NBPF11: variants seen among roughly 807,000 people sequenced by gnomAD.
NBPF11 encodes the protein NBPF family member NBPF11.
In NBPF11, 72 loss-of-function variants were observed where a neutral mutation model predicts 93.9. The observed-to-expected ratio is 0.77, with a 90% confidence interval of 0.63 to 0.93. The LOEUF is 0.93. NBPF11 is among the 40% of genes least tolerant of loss of function. The pLI is 0.00. For synonymous variants in NBPF11, 224 were observed against 304.9 expected, an observed-to-expected ratio of 0.73 and a Z score of 2.76; for missense variants, 705 against 802.2, an observed-to-expected ratio of 0.88 and a Z score of 1.46.
At chr1:148,129,455 G>A (rs1370159246) in intron 4 of NBPF11, 1 of 152,168 alleles carries the variant, frequency 6.6e-6, no homozygotes, top group African/African-American at 2.4e-5. Context: ...GCAGCGACCA[G>A]AGGAGCCCCT....
rs1193290486 is a variant in NBPF11 at position 148,148,765 on chromosome 1, T to G, written c.-549+2985A>C. Among the ~76,000 whole-genome samples the G allele has an allele frequency of 2.0e-5, 3 of 152,134 alleles. No individual in the cohort carries two copies. The East Asian group carries it at 5.8e-4, about 29-fold the overall frequency. On this transcript the variant is annotated intron_variant, in intron 1 of 23. Coordinates refer to ENST00000682118, the MANE Select transcript of NBPF11 (RefSeq NM_001385469.3). ...GGCCAGTGCACCAGGAACGGCTTTC[T>G]AACCCGGGCAGGAAGGTATGAAGCA...
chr1:148,115,674 T>C (rs1666351410), intron 14 of NBPF11, 119 bp downstream of exon 14: 11 of 1,216,162 alleles, frequency 9.0e-6, no homozygotes, highest in Non-Finnish European at 2.3e-6. Flanking sequence ...CCCTGATATC[T>C]GTTTAGAAAC....
Position 148,122,741 on chromosome 1 carries a change from G to T in NBPF11, c.554C>A (p.Ser185Ter). Residue 185 changes from serine to a stop codon, truncating the protein, a stop_gained, in exon 8 of 24, where the codon TCA becomes TAA. Transcript: ENST00000682118. LOFTEE classifies it high-confidence loss of function. Reference protein sequence around the residue: ...QVEEDEKVLESSAPREVQKAE... With the variant: ...QVEEDEKVLE ...TATTCAATGTTACCTGGGGGCAGATGATTCCAGTACTTTCTCATCCTCCTC... is the reference window on the plus strand; with the variant it reads ...TATTCAATGTTACCTGGGGGCAGATTATTCCAGTACTTTCTCATCCTCCTC... 1 of 1,609,664 alleles carries T rather than the reference G, an allele frequency of 6.2e-7. No individual in the cohort carries two copies. The highest frequency in any genetic ancestry group is 2.2e-5 in the East Asian group (1 of 44,874).
intron 1 of NBPF11, among the ~76,000 whole-genome samples, chr1:148,144,715 G>T (rs2149301143): frequency 6.6e-6 from 1 of 152,066 alleles, no homozygotes; most frequent in South Asian, 2.1e-4. Flanking sequence ...GCTCACACCT[G>T]TAATCCCAAC....
rs1673183808 is a variant in NBPF11 at position 148,146,773 on chromosome 1, A to G, written c.-548-3087T>C. 8 of 1,613,240 alleles carry G rather than the reference A, an allele frequency of 5.0e-6. No individual in the cohort carries two copies. In the Admixed American group the frequency reaches 1.3e-4, roughly 27 times the overall value. ...CGGCAATGCCGTGGACCTGGGCCAG[A>G]TGAGCAGCTTCTACATTGGCCTGGG... On this transcript the variant is annotated intron_variant, in intron 1 of 23. Transcript: ENST00000682118.
chr1:148,109,411 C>T (rs1271544806), intron 16 of NBPF11, 76 bp from the exon 17 acceptor site: 16 of 914,926 alleles, frequency 1.7e-5, no homozygotes, highest in South Asian at 1.7e-4. Flanking sequence ...TCTGTCCAAT[C>T]CTAACACAGG....
intron 16 of NBPF11, 81 bp downstream of exon 16, chr1:148,110,297 C>G (rs79669713): frequency 1.4e-6 from 2 of 1,447,516 alleles, no homozygotes; most frequent in African/African-American, 1.6e-5. Flanking sequence ...TCAGCCCAAC[C>G]AGGGGCACAA....
chr1:148,109,198 T>C, intron 17 of NBPF11, 86 bp downstream of exon 17: 1 of 1,018,848 alleles, frequency 9.8e-7, no homozygotes, highest in Admixed American at 1.7e-5. Flanking sequence ...GACAAAATCA[T>C]GATTTTCAGC....
chr1:148,121,935 C>T (rs1667966357), intron 9 of NBPF11, 120 bp downstream of exon 9: 1 of 877,832 alleles, frequency 1.1e-6, no homozygotes, highest in Non-Finnish European at 1.9e-6. Flanking sequence ...AGTCACAGCA[C>T]CTAGCTCCAT....
rs1397819614 is a variant in NBPF11 at position 148,103,496 on chromosome 1, C to T, written c.*400G>A. 3.2e-6 allele frequency: 4 copies of T among 1,232,384 alleles called. No individual in the cohort carries two copies. The Admixed American group carries it at 8.3e-5, about 26-fold the overall frequency. 76.3% of individuals were successfully genotyped at this position (1,232,384 alleles called of 1,614,324 possible). A position where few individuals can be genotyped will look rare whatever the true frequency, so the allele number is the denominator to read the frequency against. On this transcript the variant is annotated 3_prime_UTR_variant, in exon 24 of 24. Transcript: ENST00000682118. ...GTCACACCTAACGTGGGTCCATTGT[C>T]TTCAGACTGAGCACAGGTTGCCACT...
intron 13 of NBPF11, among the ~76,000 whole-genome samples, chr1:148,116,206 C>G (rs12116527): frequency 6.6e-6 from 1 of 152,040 alleles, no homozygotes; most frequent in East Asian, 1.9e-4. Flanking sequence ...AGAGCAGCTG[C>G]TGTTCATTGC....
intron 1 of NBPF11, chr1:148,149,438 C>A (rs1208464364): frequency 6.3e-6 from 10 of 1,583,944 alleles, no homozygotes; most frequent in Middle Eastern, 4.5e-4. Flanking sequence ...GCTCTACGAG[C>A]GCTGCCCCAA....
chr1:148,118,494 A>C (rs1242877350), intron 11 of NBPF11, 126 bp downstream of exon 11: 5 of 792,590 alleles, frequency 6.3e-6, no homozygotes, highest in Non-Finnish European at 1.1e-5. Flanking sequence ...TGTGTGTAGC[A>C]AACCTGCCAT....
rs1662871739 is a variant in NBPF11, at chr1:148,103,876, T to C, written c.*20A>G. ...ATCTATCCAGTGAGTCCTGTAAGAC[T>C]TCAGGCACTTCCACTTCCATCAGCA... On this transcript the variant is annotated 3_prime_UTR_variant, in exon 24 of 24. Coordinates refer to ENST00000682118, the MANE Select transcript of NBPF11 (RefSeq NM_001385469.3). The C allele has an allele frequency of 6.2e-7, 1 of 1,611,186 alleles. No individual in the cohort carries two copies. Among genetic ancestry groups the C allele is most frequent in the Non-Finnish European group, 8.5e-7 (1 of 1,179,296 alleles).
chr1:148,122,666 C>A, intron 8 of NBPF11, 63 bp downstream of exon 8: 6 of 1,595,554 alleles, frequency 3.8e-6, no homozygotes, highest in Non-Finnish European at 5.1e-6. Flanking sequence ...CCAGAGAGGG[C>A]GTGCCTCCTA....
chr1:148,141,326 G>A (rs1672131292), intron 2 of NBPF11, among the ~76,000 whole-genome samples: 2 of 151,990 alleles, frequency 1.3e-5, no homozygotes, highest in Admixed American at 1.3e-4. Context: ...ATCAACAGTG[G>A]TTCATCAATT....
chr1:148,105,828 G>A (rs1465938607), intron 21 of NBPF11, among the ~76,000 whole-genome samples: 1 of 139,566 alleles, frequency 7.2e-6, no homozygotes, highest in Admixed American at 7.1e-5. Flanking sequence ...ACACACTGAT[G>A]AGGGAGTAAC....
intron 1 of NBPF11, chr1:148,149,519 C>A: frequency 7.5e-6 from 12 of 1,593,408 alleles, no homozygotes; most frequent in East Asian, 2.2e-5. Flanking sequence ...GTACCTGGAG[C>A]GCCTGCGTCG....
At chr1:148,104,483 T>G in intron 23 of NBPF11, 54 bp downstream of exon 23, 1 of 592,688 alleles carries the variant, frequency 1.7e-6, no homozygotes, top group Non-Finnish European at 2.9e-6. Context: ...TCCCTGAATC[T>G]GTTGCCTCCA....
Sources: allele counts gnomAD v4.1 joint callset (sites outside exome capture counted in the v4.1 genomes callset), GRCh38; gene constraint gnomAD v4.1.1; transcripts MANE v1.5; gene names NCBI Gene and HGNC (gene_info 2026-07-23, HGNC 2026-07-21).